Variants in CCNY observed in about 807,000 individuals in gnomAD.
The protein encoded by CCNY is cyclin Y.
Under a neutral mutation model 42.8 loss-of-function variants are expected in CCNY, and 19 were observed. The observed-to-expected ratio is 0.44, with a 90% CI of 0.31 to 0.65. CCNY has a LOEUF of 0.65. Ranked by LOEUF, CCNY falls within the 30% of genes least tolerant of loss-of-function variation. The pLI is 0.07. For missense variants in CCNY, 370 were observed against 437.3 expected, an observed-to-expected ratio of 0.85 and a Z score of 1.37; for synonymous variants, 165 against 162.7, an observed-to-expected ratio of 1.01 and a Z score of -0.11.
intron 1 of CCNY, among the ~76,000 whole-genome samples, chr10:35,393,911 C>T (rs1278509550): frequency 6.6e-6 from 1 of 151,974 alleles, no homozygotes; most frequent in Admixed American, 6.5e-5. Context: ...TCTAAAAAAA[C>T]AAAAAAGTTT....
intron 1 of CCNY, among the ~76,000 whole-genome samples, chr10:35,459,359 T>G (rs1481080533): frequency 6.6e-6 from 1 of 152,348 alleles, no homozygotes; most frequent in East Asian, 1.9e-4. Context: ...AACACAAATT[T>G]GTAAACTTTC....
intron 1 of CCNY, among the ~76,000 whole-genome samples, chr10:35,350,620 CAG>C (rs1487851355): frequency 6.6e-6 from 1 of 152,136 alleles, no homozygotes; most frequent in East Asian, 1.9e-4. Context: ...GCATTTGATT[CAG>C]GGGTCTGGCA....
intron 1 of CCNY, among the ~76,000 whole-genome samples, chr10:35,414,196 T>C (rs1837975113): frequency 6.6e-6 from 1 of 152,230 alleles, no homozygotes; most frequent in Non-Finnish European, 1.5e-5. Flanking sequence ...GGCTGGGTCC[T>C]GTGCTTCCCA....
At chr10:35,337,964 ATTTAT>A (rs1397797780) in intron 1 of CCNY, among the ~76,000 whole-genome samples, 2 of 152,170 alleles carry the variant, frequency 1.3e-5, no homozygotes, top group East Asian at 1.9e-4. Context: ...GTAATGTTTT[ATTTAT>A]TTTATTGGTT....
intron 3 of CCNY, among the ~76,000 whole-genome samples, chr10:35,503,952 G>C (rs1021305746): frequency 7.2e-5 from 11 of 152,144 alleles, no homozygotes; most frequent in Non-Finnish European, 1.0e-4. Flanking sequence ...ACAGTCTCTA[G>C]GGTTCATTTC....
At chr10:35,520,091 A>C (rs967517709) in intron 4 of CCNY, among the ~76,000 whole-genome samples, 39 of 152,256 alleles carry the variant, frequency 2.6e-4, no homozygotes, top group African/African-American at 9.1e-4. Flanking sequence ...TAAAATGCAC[A>C]CTGGGAGCTG....
chr10:35,499,808 A>G (rs1318623595), intron 2 of CCNY, among the ~76,000 whole-genome samples: 6 of 152,228 alleles, frequency 3.9e-5, no homozygotes, highest in Admixed American at 2.6e-4. Flanking sequence ...TGGCCCATGT[A>G]GAAAGGGTTT....
chr10:35,428,014 C>G (rs537946626), intron 1 of CCNY, among the ~76,000 whole-genome samples: 93 of 152,144 alleles, frequency 6.1e-4, no homozygotes, highest in Middle Eastern at 3.4e-3. Flanking sequence ...TAAATTGGAC[C>G]GACTATCTTT....
intron 1 of CCNY, among the ~76,000 whole-genome samples, chr10:35,389,623 A>G (rs1837370945): frequency 6.6e-6 from 1 of 151,986 alleles, no homozygotes; most frequent in South Asian, 2.1e-4. Context: ...TATTTTTAGT[A>G]GAGATGGGTT....
intron 1 of CCNY, chr10:35,394,779 A>T: frequency 1.1e-6 from 1 of 916,536 alleles, no homozygotes; most frequent in Non-Finnish European, 1.3e-6. Context: ...CTCTGTTTTG[A>T]AGGGCCTTGG....
chr10:35,528,250 G>GT (rs1840692361), intron 5 of CCNY, among the ~76,000 whole-genome samples: 1 of 152,196 alleles, frequency 6.6e-6, no homozygotes, highest in African/African-American at 2.4e-5. Flanking sequence ...GCCCAGGTTG[G>GT]TATCAGAGTG....
intron 1 of CCNY, among the ~76,000 whole-genome samples, chr10:35,467,074 C>T (rs1034515029): frequency 6.6e-6 from 1 of 152,120 alleles, no homozygotes; most frequent in Non-Finnish European, 1.5e-5. Flanking sequence ...TGCTGTGTGC[C>T]CAGCTCAGCA....
chr10:35,566,118 T>A lies in CCNY; in HGVS notation c.842T>A (p.Leu281Gln). The change falls in exon 9 of 10, where the codon CTG becomes CAG. Residue 281 changes from leucine to glutamine, a missense_variant. This residue lies in a region of CCNY where 234 missense variants were observed against 313.1 expected (regional missense o/e 0.75). Transcript: ENST00000374704. ...YAKYYFDLRS[L>Q]AEANNLSFPL... ...AAGTATTATTTTGATCTTCGTTCTC[T>A]GGCAGAAGCGAACAACCTGAGCTTT... 4 of 1,614,246 alleles carry A rather than the reference T, an allele frequency of 2.5e-6. No individual in the cohort carries two copies. The highest frequency in any genetic ancestry group is 3.4e-6 in the Non-Finnish European group (4 of 1,180,034).
At chr10:35,432,834 T>A (rs1838442708) in intron 1 of CCNY, among the ~76,000 whole-genome samples, 1 of 152,260 alleles carries the variant, frequency 6.6e-6, no homozygotes, top group Non-Finnish European at 1.5e-5. Flanking sequence ...ACAAATCTTT[T>A]AATTATACAG....
chr10:35,565,461 C>T (rs749845095), intron 8 of CCNY, among the ~76,000 whole-genome samples: 12 of 152,226 alleles, frequency 7.9e-5, no homozygotes, highest in Non-Finnish European at 1.6e-4. Context: ...TCCATTCTTC[C>T]CGGCTTGTGA....
At chr10:35,386,154 C>T (rs2135201402) in intron 1 of CCNY, among the ~76,000 whole-genome samples, 1 of 152,320 alleles carries the variant, frequency 6.6e-6, no homozygotes, top group East Asian at 1.9e-4. Context: ...CCTGGGGATG[C>T]TTAACTTGGG....
intron 2 of CCNY, among the ~76,000 whole-genome samples, chr10:35,494,670 G>T (rs1334973836): frequency 6.6e-6 from 1 of 152,138 alleles, no homozygotes; most frequent in East Asian, 1.9e-4. Flanking sequence ...AAGGATTAAT[G>T]CCTTTATGTA....
chr10:35,566,686 C>T (rs1461288808), intron 9 of CCNY, among the ~76,000 whole-genome samples: 1 of 152,042 alleles, frequency 6.6e-6, no homozygotes, highest in East Asian at 1.9e-4. Context: ...TCACTTTATA[C>T]TTAATAAGCA....
intron 8 of CCNY, among the ~76,000 whole-genome samples, chr10:35,559,721 T>C (rs565180541): frequency 5.9e-5 from 9 of 152,322 alleles, no homozygotes; most frequent in South Asian, 2.1e-4. Context: ...CTGTCTGGCA[T>C]GACTTGTGAT....
Sources: allele counts gnomAD v4.1 joint callset (sites outside exome capture counted in the v4.1 genomes callset), GRCh38; gene constraint gnomAD v4.1.1; regional missense constraint gnomAD v4.1.1; transcripts MANE v1.5; gene names NCBI Gene and HGNC (gene_info 2026-07-23, HGNC 2026-07-21).